The following DPEP1 variants were observed in gnomAD, a reference collection of about 807,000 sequenced individuals.
DPEP1 encodes beta-lactamase.
A neutral mutation model predicts 42.3 loss-of-function variants in DPEP1; 50 were observed. The observed-to-expected ratio is 1.18, with a 90% CI of 0.94 to 1.50. The LOEUF (loss-of-function observed/expected upper bound fraction) is 1.50. Ranked by LOEUF, DPEP1 falls within the 40% of genes most tolerant of loss-of-function variation. DPEP1 has a pLI of 0.00. For synonymous variants in DPEP1, 297 were observed against 234.0 expected (o/e 1.27, Z -2.46); for missense variants, 663 against 553.0 (o/e 1.20, Z -1.99).
At chr16:89,632,958 G>C (rs561184453) in intron 2 of DPEP1, among the ~76,000 whole-genome samples, 1 of 152,300 alleles carries the variant, frequency 6.6e-6, no homozygotes, top group Non-Finnish European at 1.5e-5. Flanking sequence ...TGCAGGAGGA[G>C]GAGGGAGGGG....
intron 1 of DPEP1, among the ~76,000 whole-genome samples, chr16:89,629,629 G>C (rs1168052038): frequency 6.6e-6 from 1 of 151,158 alleles, no homozygotes; most frequent in African/African-American, 2.4e-5. Context: ...CTGGGATTAA[G>C]ATTCTTCCGT....
intron 1 of DPEP1, among the ~76,000 whole-genome samples, chr16:89,618,244 T>C (rs189488784): frequency 6.6e-6 from 1 of 152,302 alleles, no homozygotes; most frequent in East Asian, 1.9e-4. Context: ...CTTGACAAGG[T>C]CTTGCTCTGT....
intron 1 of DPEP1, among the ~76,000 whole-genome samples, chr16:89,618,330 C>T (rs996740098): frequency 6.6e-6 from 1 of 152,084 alleles, no homozygotes; most frequent in African/African-American, 2.4e-5. Flanking sequence ...CATCTTCCTG[C>T]CTCGGTCTGC....
rs1418480032 is a variant in DPEP1 at position 89,637,190 on chromosome 16, C to T, written c.592-14C>T. 3.1e-6 allele frequency: 5 copies of T among 1,609,138 alleles called. No homozygotes were observed. Among genetic ancestry groups the T allele is most frequent in the South Asian group, 1.1e-5 (1 of 90,796 alleles). On this transcript the variant is annotated splice_polypyrimidine_tract_variant and intron_variant, in intron 6 of 10. Transcript: ENST00000690203. ...CTGGGGGCTGTGAGGGTGGACGGAG[C>T]CCTGTCTTCCCAGCGTGTGGTGAAG...
chr16:89,636,627 A>C lies in DPEP1; in HGVS notation c.465A>C (p.Ala155=). The C allele has an allele frequency of 6.2e-7, 1 of 1,612,316 alleles. No homozygotes were observed. Among genetic ancestry groups the C allele is most frequent in the Non-Finnish European group, 8.5e-7 (1 of 1,179,884 alleles). ...SIDSSLGVLR[A]LYQLGMRYLT... ...ACAGCAGTTTGGGCGTCCTGCGGGC[A>C]CTCTATCAGCTGGGCATGCGGTACC... Residue 155 remains alanine (A), a synonymous_variant, in exon 5 of 11, where the codon GCA becomes GCC. Coordinates refer to ENST00000690203, the MANE Select transcript of DPEP1 (RefSeq NM_001389466.1).
chr16:89,639,650 A>G (rs1232284305), downstream of DPEP1, among the ~76,000 whole-genome samples: 1 of 151,202 alleles, frequency 6.6e-6, no homozygotes, highest in Non-Finnish European at 1.5e-5. Flanking sequence ...AAACATGGCT[A>G]AGGGCCCAGG....
intron 1 of DPEP1, among the ~76,000 whole-genome samples, chr16:89,620,033 G>A (rs915522529): frequency 1.8e-4 from 26 of 146,218 alleles, no homozygotes; most frequent in African/African-American, 4.8e-4. Context: ...CCCCCCTCCC[G>A]CCGCAACCTC....
chr16:89,629,235 C>T (rs1226391542), intron 1 of DPEP1, among the ~76,000 whole-genome samples: 4 of 152,164 alleles, frequency 2.6e-5, no homozygotes, highest in South Asian at 2.1e-4. Flanking sequence ...CATGGTGGCT[C>T]ATGCCTGTAA....
rs772104923 is a variant in DPEP1, at chr16:89,635,940, T to G, written c.137T>G (p.Met46Arg). Residue 46 changes from methionine to arginine, a missense_variant, in exon 3 of 11, where the codon ATG becomes AGG. Met to Arg is a moderately conservative substitution (Grantham distance 91). Transcript: ENST00000690203. ...HNDLPWQLLD[M>R]FNNRLQDERA... is the part of the protein sequence containing the mutation. Reference sequence around the variant, plus strand: ...GACCTCCCCTGGCAGCTGCTGGATATGTTCAACAACCGGCTGCAGGACGAG... The same window carrying G: ...GACCTCCCCTGGCAGCTGCTGGATAGGTTCAACAACCGGCTGCAGGACGAG... 1.9e-6 allele frequency: 3 copies of G among 1,611,064 alleles called. No homozygotes were observed. The South Asian group carries it at 3.3e-5, about 18-fold the overall frequency.
rs1849350215 is a variant in DPEP1 at position 89,636,632 on chromosome 16, A to G, written c.470A>G (p.Tyr157Cys). The G allele has an allele frequency of 1.2e-6, 2 of 1,612,564 alleles. No homozygotes were observed. The highest frequency in any genetic ancestry group is 4.5e-5 in the East Asian group (2 of 44,854). The change falls in exon 5 of 11, where the codon TAT (tyrosine) becomes TGT (cysteine). Residue 157 changes from tyrosine (Y) to cysteine (C), a missense_variant. Transcript: ENST00000690203. Reference protein sequence around the residue: ...DSSLGVLRALYQLGMRYLTLT... With the variant: ...DSSLGVLRALCQLGMRYLTLT... Reference sequence around the variant, plus strand: ...AGTTTGGGCGTCCTGCGGGCACTCTATCAGCTGGGCATGCGGTACCTGACC... The same window carrying G: ...AGTTTGGGCGTCCTGCGGGCACTCTGTCAGCTGGGCATGCGGTACCTGACC...
chr16:89,630,354 C>T lies in DPEP1; in HGVS notation c.-57C>T. The T allele has an allele frequency of 6.8e-7, 1 of 1,474,860 alleles. No homozygotes were observed. Among genetic ancestry groups the T allele is most frequent in the African/African-American group, 1.4e-5 (1 of 71,190 alleles). 91.4% of individuals were successfully genotyped at this position (1,474,860 alleles called of 1,614,324 possible). The stretch of plus-strand genomic sequence containing the variant: ...AGCTCATCCTTCTGCACGGGCCAGC[C>T]AGGCCAGCACAGAGGCACCAGGGCA... On this transcript the variant is annotated 5_prime_UTR_variant, in exon 2 of 11. Coordinates refer to ENST00000690203, the MANE Select transcript of DPEP1 (RefSeq NM_001389466.1).
At chr16:89,627,303 T>C (rs1288495589) in intron 1 of DPEP1, among the ~76,000 whole-genome samples, 4 of 119,936 alleles carry the variant, frequency 3.3e-5, no homozygotes, top group Admixed American at 2.6e-4. Flanking sequence ...AGATGTGGGA[T>C]CAGGCATGGT....
intron 1 of DPEP1, among the ~76,000 whole-genome samples, chr16:89,626,099 T>C (rs894206942): frequency 1.3e-5 from 2 of 152,066 alleles, no homozygotes; most frequent in South Asian, 2.1e-4. Context: ...TGTGAGGCCC[T>C]GAGAGGCCCT....
At chr16:89,632,998 T>C (rs2059609009) in intron 2 of DPEP1, among the ~76,000 whole-genome samples, 2 of 152,078 alleles carry the variant, frequency 1.3e-5, no homozygotes, top group Admixed American at 1.3e-4. Context: ...TTGCAGCCTG[T>C]CCCTCCAAGG....
Position 89,630,398 on chromosome 16 carries a change from CG to C in DPEP1, c.-9del, listed in dbSNP as rs1567986992. On this transcript the variant is annotated 5_prime_UTR_variant, in exon 2 of 11. Coordinates refer to ENST00000690203, the MANE Select transcript of DPEP1 (RefSeq NM_001389466.1). ...CAGGGCAGCAGTGCACACAGGTCCC[CG>C]GGGACCCCACCATGTGGAGCGGATG... The C allele has an allele frequency of 1.2e-6, 2 of 1,606,806 alleles. No individual in the cohort carries two copies. The highest frequency in any genetic ancestry group is 1.7e-6 in the Non-Finnish European group (2 of 1,176,170).
At chr16:89,623,169 G>A (rs914208368) in intron 1 of DPEP1, among the ~76,000 whole-genome samples, 4 of 152,030 alleles carry the variant, frequency 2.6e-5, no homozygotes, top group Admixed American at 2.6e-4. Context: ...TGCTGGGCGT[G>A]GTGGCAGTTG....
downstream of DPEP1, chr16:89,640,454 C>G: frequency 1.6e-6 from 1 of 619,290 alleles, no homozygotes; most frequent in Non-Finnish European, 2.0e-6. Context: ...GGCCCTGAGT[C>G]GAGGAGCAGG....
intron 2 of DPEP1, among the ~76,000 whole-genome samples, chr16:89,635,629 C>G (rs1471632086): frequency 6.6e-6 from 1 of 152,244 alleles, no homozygotes; most frequent in Non-Finnish European, 1.5e-5. Context: ...GCCCCCCAGC[C>G]TCCTCCACAG....
At position 89,635,915 on chromosome 16, in the gene DPEP1, G is replaced by C; in HGVS notation, c.112G>C (p.Asp38His). The change falls in exon 3 of 11, where the codon GAC becomes CAC. Residue 38 changes from aspartate (D) to histidine (H), a missense_variant. Transcript: ENST00000690203. ...RDSPVIDGHNDLPWQLLDMFN... is the reference protein window; with the variant it reads ...RDSPVIDGHNHLPWQLLDMFN... The stretch of plus-strand genomic sequence containing the variant: ...CTCCCCGGCAAACTCCAGGCACAAT[G>C]ACCTCCCCTGGCAGCTGCTGGATAT... 1 of 1,602,348 alleles carries C rather than the reference G, an allele frequency of 6.2e-7. No homozygotes were observed. The highest frequency in any genetic ancestry group is 8.5e-7 in the Non-Finnish European group (1 of 1,174,582).
Sources: allele counts gnomAD v4.1 joint callset (sites outside exome capture counted in the v4.1 genomes callset), GRCh38; gene constraint gnomAD v4.1.1; transcripts MANE v1.5; gene names NCBI Gene and HGNC (gene_info 2026-07-23, HGNC 2026-07-21).